Variants in YJU2 observed in about 807,000 individuals in gnomAD.
YJU2 encodes the protein splicing factor YJU2.
A neutral mutation model predicts 39.6 loss-of-function variants in YJU2; 28 were observed. That is an observed-to-expected ratio of 0.71 (90% CI 0.52 to 0.97). The LOEUF (loss-of-function observed/expected upper bound fraction) is 0.97, where lower values mean the gene tolerates loss of function less well. YJU2 is among the 50% of genes least tolerant of loss of function. YJU2 has a pLI of 0.00. For synonymous variants in YJU2, 184 were observed against 182.4 expected, an observed-to-expected ratio of 1.01 and a Z score of -0.07; for missense variants, 328 against 430.4, an observed-to-expected ratio of 0.76 and a Z score of 2.11.
Position 4,258,161 on chromosome 19 carries a change from G to A in YJU2, c.406-81G>A, listed in dbSNP as rs147506380. On this transcript the variant is annotated intron_variant, in intron 4 of 7. Transcript: ENST00000262962. Reference sequence around the variant, plus strand: ...GGGGTAGGGGTTCCTCCCGTGGCCCGCAGTGGCCCCCGAGGCCAGACAGGG... The same window carrying A: ...GGGGTAGGGGTTCCTCCCGTGGCCCACAGTGGCCCCCGAGGCCAGACAGGG... The A allele has an allele frequency of 4.2e-4, 627 of 1,506,678 alleles. 3 individuals are homozygous for A. The African/African-American group carries it at 7.8e-3, about 19-fold the overall frequency. 93.3% of individuals were successfully genotyped at this position (1,506,678 alleles called of 1,614,324 possible).
chr19:4,248,780 G>A (rs1970951710), intron 1 of YJU2, among the ~76,000 whole-genome samples: 2 of 152,186 alleles, frequency 1.3e-5, no homozygotes, highest in East Asian at 1.9e-4. Context: ...TTAGCGGGGA[G>A]TGGTGGTGGG....
At position 4,254,488 on chromosome 19, in the gene YJU2, A is replaced by G. The variant is rs1464241646; in HGVS notation, c.404A>G (p.Lys135Arg). The change falls in exon 4 of 8, where the codon AAG (lysine) becomes AGG (arginine). Residue 135 changes from lysine (K) to arginine (R), a missense_variant and splice_region_variant. Around this residue, in one of 2 missense-constraint regions of YJU2, gnomAD observed 244 missense variants for 264.6 expected, o/e 0.92. Transcript: ENST00000262962. ...GACGAGGAGCTGAACAACCCCATGA[A>G]GGTGAGTCGGGGGCCATGTAGGTGT... The part of the protein sequence containing the change: ...REDEELNNPM[K>R]VLENRTKDSK... 6.3e-7 allele frequency: 1 copy of G among 1,590,842 alleles called. No homozygotes were observed. The highest frequency in any genetic ancestry group is 1.1e-5 in the South Asian group (1 of 88,760).
intron 3 of YJU2, 90 bp downstream of exon 3, chr19:4,251,261 C>G: frequency 1.6e-6 from 2 of 1,227,930 alleles, no homozygotes; most frequent in Non-Finnish European, 2.3e-6. Flanking sequence ...CCAATCCTCT[C>G]CATCCAGGGA....
rs1265356861 is a variant in YJU2, at chr19:4,254,241, AG to A, written c.271-112del. 5 of 788,676 alleles carry A rather than the reference AG, an allele frequency of 6.3e-6. No individual in the cohort carries two copies. In the African/African-American group the frequency reaches 8.8e-5, roughly 14 times the overall value. The allele number at this position is 788,676 out of a possible 1,614,324, so 48.9% of individuals were successfully genotyped here. On this transcript the variant is annotated intron_variant, in intron 3 of 7. Coordinates refer to ENST00000262962, the MANE Select transcript of YJU2 (RefSeq NM_018074.6). Reference sequence around the variant, plus strand: ...AAAGCAATAAGACAAGAAAAAGAGAAGGTAGTAGAACCAGTAAAAATCAGAG... The same window carrying A: ...AAAGCAATAAGACAAGAAAAAGAGAAGTAGTAGAACCAGTAAAAATCAGAG...
At chr19:4,261,486 C>CA in intron 5 of YJU2, among the ~76,000 whole-genome samples, 1 of 147,218 alleles carries the variant, frequency 6.8e-6, no homozygotes, top group South Asian at 2.1e-4. Flanking sequence ...GACTCCATCT[C>CA]AAAAAAGAAA....
At chr19:4,259,876 G>A (rs183753772) in intron 5 of YJU2, among the ~76,000 whole-genome samples, 2 of 152,288 alleles carry the variant, frequency 1.3e-5, no homozygotes, top group East Asian at 1.9e-4. Flanking sequence ...GCAGAGCAGC[G>A]ATACCGTGCA....
intron 4 of YJU2, among the ~76,000 whole-genome samples, chr19:4,255,430 A>C (rs938374159): frequency 5.9e-5 from 9 of 151,964 alleles, no homozygotes; most frequent in Non-Finnish European, 2.9e-5. Context: ...TAAAACATTA[A>C]AAAATTAGCC....
intron 4 of YJU2, among the ~76,000 whole-genome samples, chr19:4,257,105 T>G (rs4807556): frequency 0.41 from 61,473 of 151,646 alleles, 14,382 homozygotes; most frequent in African/African-American, 0.65. Context: ...CAGGCAGGAT[T>G]CACTCCCAAC....
At chr19:4,267,569 C>T in intron 6 of YJU2, 55 bp from the exon 7 acceptor site, 1 of 1,583,168 alleles carries the variant, frequency 6.3e-7, no homozygotes, top group East Asian at 2.2e-5. Flanking sequence ...GGCGAGGGGC[C>T]AGACTGGGCC....
intron 7 of YJU2, among the ~76,000 whole-genome samples, chr19:4,268,145 A>G (rs1022710679): frequency 6.6e-6 from 1 of 151,826 alleles, no homozygotes; most frequent in Non-Finnish European, 1.5e-5. Context: ...GGATTTCTCC[A>G]TGTTGGTCAG....
rs1172923905 is a variant in YJU2 at position 4,257,666 on chromosome 19, G to T, written c.406-576G>T. On this transcript the variant is annotated intron_variant, in intron 4 of 7. Transcript: ENST00000262962. ...TTTTTGTATTTTTAGTAGAGATGGGGTTTCGTCATGTTGGCCAGGCTGGTC... is the reference window on the plus strand; with the variant it reads ...TTTTTGTATTTTTAGTAGAGATGGGTTTTCGTCATGTTGGCCAGGCTGGTC... Among the ~76,000 whole-genome samples, 8 of 152,154 alleles carry T rather than the reference G, an allele frequency of 5.3e-5. No individual in the cohort carries two copies. In the East Asian group the frequency reaches 1.4e-3, roughly 26 times the overall value.
intron 4 of YJU2, 81 bp from the exon 5 acceptor site, chr19:4,258,161 G>GCAGTGGCCCC: frequency 6.6e-7 from 1 of 1,506,682 alleles, no homozygotes; most frequent in Non-Finnish European, 8.9e-7. Flanking sequence ...CCCGTGGCCC[G>GCAGTGGCCCC]CAGTGGCCCC....
intron 6 of YJU2, among the ~76,000 whole-genome samples, chr19:4,264,898 A>G (rs901464510): frequency 7.9e-5 from 12 of 152,228 alleles, no homozygotes; most frequent in Admixed American, 7.9e-4. Flanking sequence ...GATTACAGAC[A>G]TCAGCCACCA....
intron 5 of YJU2, among the ~76,000 whole-genome samples, chr19:4,259,240 G>A (rs1259913658): frequency 2.7e-5 from 4 of 150,912 alleles, no homozygotes; most frequent in Non-Finnish European, 5.9e-5. Flanking sequence ...CACCAAGCCC[G>A]GCTAATTTTT....
intron 4 of YJU2, among the ~76,000 whole-genome samples, chr19:4,256,239 C>CAT (rs1259862095): frequency 2.7e-5 from 4 of 148,662 alleles, no homozygotes; most frequent in Non-Finnish European, 5.9e-5. Context: ...TATACATACA[C>CAT]ATATATATAT....
rs1277472380 is a variant in YJU2 at position 4,258,217 on chromosome 19, AG to A, written c.406-24del. The A allele has an allele frequency of 1.9e-6, 3 of 1,548,906 alleles. No individual in the cohort carries two copies. In the African/African-American group the frequency reaches 4.1e-5, roughly 21 times the overall value. ...CCCGTGGTGCGATCCCCATGCACTC[AG>A]CCCCGCCGCCCCGCGCCCGCCAGGT... On this transcript the variant is annotated intron_variant, in intron 4 of 7. Transcript: ENST00000262962.
At chr19:4,255,428 T>G (rs779297735) in intron 4 of YJU2, among the ~76,000 whole-genome samples, 42 of 151,224 alleles carry the variant, frequency 2.8e-4, no homozygotes, top group Non-Finnish European at 4.7e-4. Context: ...TATAAAACAT[T>G]AAAAAATTAG....
chr19:4,267,356 A>G (rs531836334), intron 6 of YJU2, among the ~76,000 whole-genome samples: 1 of 152,332 alleles, frequency 6.6e-6, no homozygotes, highest in Admixed American at 6.5e-5. Context: ...GGTGAAGGGA[A>G]TAGCATGGGT....
intron 4 of YJU2, among the ~76,000 whole-genome samples, chr19:4,255,680 A>G (rs1235850610): frequency 6.7e-6 from 1 of 149,322 alleles, no homozygotes; most frequent in Non-Finnish European, 1.5e-5. Context: ...GTGAGCTGAG[A>G]TCATGCCACT....
Sources: gnomAD v4.1 joint callset for allele counts (sites outside exome capture counted in the v4.1 genomes callset) on GRCh38, gnomAD v4.1.1 for gene constraint, gnomAD v4.1.1 regional missense constraint, MANE v1.5 for transcripts, NCBI Gene and HGNC (gene_info 2026-07-23, HGNC 2026-07-21) for gene names.